Variants in PGM3 observed in about 807,000 individuals in gnomAD.
The protein encoded by PGM3 is phosphoglucomutase 3, also known as phosphoacetylglucosamine mutase.
In PGM3, 40 loss-of-function variants were observed where a neutral mutation model predicts 66.2. The ratio of observed to expected loss-of-function variants is 0.60; its 90% CI spans 0.47 to 0.79. The LOEUF is 0.79. Among genes scored for constraint, PGM3 ranks in the 30% least tolerant of loss-of-function variants. PGM3 has a pLI of 0.00. For synonymous variants in PGM3, 191 were observed against 224.2 expected, an observed-to-expected ratio of 0.85 and a Z score of 1.32; for missense variants, 537 against 643.4, an observed-to-expected ratio of 0.83 and a Z score of 1.79.
At chr6:83,192,887 C>G (rs1444185706) in intron 1 of PGM3, among the ~76,000 whole-genome samples, 1 of 152,166 alleles carries the variant, frequency 6.6e-6, no homozygotes, top group Non-Finnish European at 1.5e-5. Flanking sequence ...TGCCTCTCTC[C>G]CGCCTACCCT....
At chr6:83,183,105 CATA>C in intron 4 of PGM3, 127 bp from the exon 5 acceptor site, 1 of 803,452 alleles carries the variant, frequency 1.2e-6, no homozygotes, top group Non-Finnish European at 1.9e-6. Context: ...TCTTAGAAAA[CATA>C]AAAATGATCT....
At position 83,182,792 on chromosome 6, in the gene PGM3, C is replaced by G. The variant is rs1027580689; in HGVS notation, c.591+53G>C. 3.3e-6 allele frequency: 5 copies of G among 1,505,308 alleles called. No homozygotes were observed. In the African/African-American group the frequency reaches 6.9e-5, roughly 21 times the overall value. The allele number at this position is 1,505,308 out of a possible 1,614,324, so 93.2% of individuals were successfully genotyped here. ...AAACAAGATAATTTGTTCAGTAGAC[C>G]ATGTTACTTTATTCATTTGTTTAAC... On this transcript the variant is annotated intron_variant, in intron 5 of 12. Coordinates refer to ENST00000513973, the MANE Select transcript of PGM3 (RefSeq NM_015599.3).
rs1291998185 is a variant in PGM3 at position 83,166,384 on chromosome 6, C to T, written c.*2850G>A. 1.4e-6 allele frequency: 1 copy of T among 700,588 alleles called. No individual in the cohort carries two copies. The highest frequency in any genetic ancestry group is 1.7e-5 in the African/African-American group (1 of 57,206). The allele number at this position is 700,588 out of a possible 1,614,324, so 43.4% of individuals were successfully genotyped here. A position where few individuals can be genotyped will look rare whatever the true frequency, so the allele number is the denominator to read the frequency against. ...AGTCTCCTTTGCAAAACTTCTTGAGCCATCACGGCACTGTATGTTCATTAG... is the reference window on the plus strand; with the variant it reads ...AGTCTCCTTTGCAAAACTTCTTGAGTCATCACGGCACTGTATGTTCATTAG... On this transcript the variant is annotated 3_prime_UTR_variant, in exon 13 of 13. Coordinates refer to ENST00000513973, the MANE Select transcript of PGM3 (RefSeq NM_015599.3).
At chr6:83,152,052 T>C in the PGM3 span, 1 of 1,613,084 alleles carries the variant, frequency 6.2e-7, no homozygotes, top group Non-Finnish European at 8.5e-7. Context: ...CATTTAGGTT[T>C]ATTATCTGTA....
At chr6:83,158,664 C>T (rs1218786846), downstream of PGM3, 2 of 1,365,260 alleles carry the variant, frequency 1.5e-6, no homozygotes, top group Middle Eastern at 1.9e-4. Flanking sequence ...TTTTTTAATA[C>T]CCTGAAATTA....
At chr6:83,152,254 A>C in the PGM3 span, 1 of 1,287,688 alleles carries the variant, frequency 7.8e-7, no homozygotes, top group Non-Finnish European at 1.1e-6. Flanking sequence ...TTCAGTGGGA[A>C]TTAGCCATAT....
chr6:83,183,041 G>T lies in PGM3; in HGVS notation c.458-63C>A. 15 of 1,462,300 alleles carry T rather than the reference G, an allele frequency of 1.0e-5. No individual in the cohort carries two copies. The South Asian group carries it at 1.8e-4, about 18-fold the overall frequency. The allele number at this position is 1,462,300 out of a possible 1,614,324, so 90.6% of individuals were successfully genotyped here. A position where few individuals can be genotyped will look rare whatever the true frequency, so the allele number is the denominator to read the frequency against. ...TTAACAAAGAGAAAAAAGTTTAAAT[G>T]CATTCATGTGTAGGAATTTCAGGGT... On this transcript the variant is annotated intron_variant, in intron 4 of 12. Transcript: ENST00000513973.
intron 8 of PGM3, among the ~76,000 whole-genome samples, chr6:83,176,582 G>C (rs1043875431): frequency 6.6e-6 from 1 of 152,220 alleles, no homozygotes; most frequent in African/African-American, 2.4e-5. Context: ...GAAATGGAAT[G>C]AGGAGGCTTC....
chr6:83,154,613 G>T, the PGM3 span, among the ~76,000 whole-genome samples: 1 of 152,296 alleles, frequency 6.6e-6, no homozygotes, highest in East Asian at 1.9e-4. Flanking sequence ...GACAGATGGT[G>T]AAGTGCAAAA....
intron 10 of PGM3, 59 bp from the exon 11 acceptor site, chr6:83,172,118 A>ATGTT: frequency 1.3e-6 from 2 of 1,579,562 alleles, no homozygotes; most frequent in Non-Finnish European, 1.7e-6. Context: ...TTGGAAATGG[A>ATGTT]TGTTTTTTCT....
intron 5 of PGM3, among the ~76,000 whole-genome samples, chr6:83,182,635 G>A (rs1049700157): frequency 1.3e-5 from 2 of 152,132 alleles, no homozygotes; most frequent in Non-Finnish European, 2.9e-5. Flanking sequence ...ATCTCAGAAT[G>A]TACTACATAA....
chr6:83,160,109 A>T, downstream of PGM3: 1 of 777,238 alleles, frequency 1.3e-6, no homozygotes, highest in Non-Finnish European at 2.0e-6. Context: ...CAGCAGAGTT[A>T]TCGGAAGTAA....
intron 8 of PGM3, among the ~76,000 whole-genome samples, chr6:83,177,060 T>A (rs1190769971): frequency 6.6e-6 from 1 of 152,156 alleles, no homozygotes; most frequent in Non-Finnish European, 1.5e-5. Flanking sequence ...GAACATCACA[T>A]GAAAATTCAG....
chr6:83,172,702 G>C (rs532876302), intron 10 of PGM3, among the ~76,000 whole-genome samples: 1 of 151,978 alleles, frequency 6.6e-6, no homozygotes, highest in African/African-American at 2.4e-5. Context: ...ACTAAAGGCA[G>C]GCCCGCAGTT....
intron 6 of PGM3, 31 bp downstream of exon 6, chr6:83,181,705 A>T: frequency 6.6e-7 from 1 of 1,519,096 alleles, no homozygotes; most frequent in African/African-American, 1.4e-5. Flanking sequence ...GAGCATTAAA[A>T]ACAAATTTTT....
At chr6:83,183,101 A>G in intron 4 of PGM3, 123 bp from the exon 5 acceptor site, 1 of 831,484 alleles carries the variant, frequency 1.2e-6, no homozygotes, top group East Asian at 2.7e-5. Context: ...GACATCTTAG[A>G]AAACATAAAA....
At chr6:83,191,062 A>G (rs753312139) in intron 1 of PGM3, 48 bp from the exon 2 acceptor site, 16 of 1,574,726 alleles carry the variant, frequency 1.0e-5, no homozygotes, top group Non-Finnish European at 1.4e-5. Flanking sequence ...TAATTTCTTA[A>G]GAACCATTTG....
At chr6:83,188,555 C>G (rs1788776421) in intron 3 of PGM3, 59 bp downstream of exon 3, 1 of 1,307,052 alleles carries the variant, frequency 7.7e-7, no homozygotes, top group Admixed American at 1.9e-5. Flanking sequence ...AAAACTGATA[C>G]AATCGTTTAT....
downstream of PGM3, chr6:83,161,292 C>T (rs1332484953): frequency 1.3e-5 from 2 of 152,022 alleles, no homozygotes; most frequent in East Asian, 3.9e-4. Flanking sequence ...TTTTTAAAAA[C>T]TTACATCTTT....
Sources: allele counts gnomAD v4.1 joint callset (sites outside exome capture counted in the v4.1 genomes callset), GRCh38; gene constraint gnomAD v4.1.1; transcripts MANE v1.5; gene names NCBI Gene and HGNC (gene_info 2026-07-23, HGNC 2026-07-21).